The following SUGCT variants were observed in gnomAD, a reference collection of about 807,000 sequenced individuals.
SUGCT encodes the protein succinyl-CoA:glutarate-CoA transferase, also known as succinyl-CoA:glutarate CoA-transferase.
A neutral mutation model predicts 55.0 loss-of-function variants in SUGCT; 41 were observed. That is an observed-to-expected ratio of 0.74 (90% CI 0.58 to 0.97). The LOEUF (loss-of-function observed/expected upper bound fraction) is 0.97, where lower values mean the gene tolerates loss of function less well. Among genes scored for constraint, SUGCT ranks in the 50% least tolerant of loss-of-function variants. The probability of loss-of-function intolerance (pLI) is 0.00; values close to 1 mark genes in which losing one functional copy is unlikely to be tolerated. For missense variants in SUGCT, 568 were observed against 547.8 expected, an observed-to-expected ratio of 1.04 and a Z score of -0.37; for synonymous variants, 187 against 200.4, an observed-to-expected ratio of 0.93 and a Z score of 0.56.
chr7:40,575,266 C>G (rs915342414), intron 12 of SUGCT, among the ~76,000 whole-genome samples: 5 of 152,120 alleles, frequency 3.3e-5, no homozygotes, highest in African/African-American at 4.8e-5. Context: ...CCCTTCAGCT[C>G]TCTGTTATTG....
intron 13 of SUGCT, among the ~76,000 whole-genome samples, chr7:40,786,184 A>G (rs937639110): frequency 6.6e-6 from 1 of 152,204 alleles, no homozygotes; most frequent in Admixed American, 6.5e-5. Context: ...TGAAATATTG[A>G]TGAAGGCTTG....
the SUGCT span, among the ~76,000 whole-genome samples, chr7:41,007,766 TGC>T: frequency 1.3e-5 from 2 of 148,866 alleles, no homozygotes; most frequent in African/African-American, 4.9e-5. Context: ...GCATGGAATT[TGC>T]TTTAAGTAAA....
chr7:40,135,865 C>T (rs531072559), intron 1 of SUGCT, among the ~76,000 whole-genome samples: 2 of 152,322 alleles, frequency 1.3e-5, no homozygotes, highest in South Asian at 2.1e-4. Flanking sequence ...CCATATTGGC[C>T]AGGCTGGTCT....
At chr7:40,569,545 G>C (rs1216150541) in intron 12 of SUGCT, among the ~76,000 whole-genome samples, 1 of 152,126 alleles carries the variant, frequency 6.6e-6, no homozygotes, top group South Asian at 2.1e-4. Flanking sequence ...GTCAGAGCTC[G>C]ATGTTTCCCA....
intron 9 of SUGCT, among the ~76,000 whole-genome samples, chr7:40,321,084 T>C (rs1264497619): frequency 6.9e-6 from 1 of 144,972 alleles, no homozygotes; most frequent in African/African-American, 2.5e-5. Flanking sequence ...CTTTCTTTTT[T>C]TTTTTTTTTT....
intron 9 of SUGCT, among the ~76,000 whole-genome samples, chr7:40,368,256 T>C (rs757073217): frequency 4.0e-5 from 6 of 149,754 alleles, no homozygotes; most frequent in Non-Finnish European, 7.4e-5. Context: ...TGGAGTACAA[T>C]GGCTGATCTC....
At chr7:40,951,751 A>G in the SUGCT span, among the ~76,000 whole-genome samples, 1 of 152,104 alleles carries the variant, frequency 6.6e-6, no homozygotes, top group African/African-American at 2.4e-5. Context: ...GTTTCCATGT[A>G]GTTGAGTGGT....
intron 8 of SUGCT, among the ~76,000 whole-genome samples, chr7:40,279,026 G>GT (rs1412717320): frequency 6.6e-6 from 1 of 150,580 alleles, no homozygotes; most frequent in Non-Finnish European, 1.5e-5. Flanking sequence ...TAGAGATGGG[G>GT]GGGTCTGACT....
the SUGCT span, among the ~76,000 whole-genome samples, chr7:40,898,161 A>C: frequency 1.3e-5 from 2 of 148,824 alleles, no homozygotes; most frequent in Non-Finnish European, 2.9e-5. Flanking sequence ...AGTAGTGATG[A>C]ACTTAAGTCG....
chr7:40,288,806 T>G (rs1325554401), intron 8 of SUGCT, among the ~76,000 whole-genome samples: 1 of 152,204 alleles, frequency 6.6e-6, no homozygotes, highest in Non-Finnish European at 1.5e-5. Flanking sequence ...TTTTCTTATA[T>G]GATGTCCTTC....
At chr7:40,995,411 A>ATTATTATT in the SUGCT span, among the ~76,000 whole-genome samples, 2 of 44,736 alleles carry the variant, frequency 4.5e-5, no homozygotes, top group African/African-American at 2.3e-4. Flanking sequence ...TTATTATTAT[A>ATTATTATT]GTTTACTCTC....
At chr7:40,592,526 A>G (rs1311509652) in intron 12 of SUGCT, among the ~76,000 whole-genome samples, 2 of 152,208 alleles carry the variant, frequency 1.3e-5, no homozygotes, top group African/African-American at 4.8e-5. Context: ...AACTTCGTAT[A>G]CTATAAATTG....
At chr7:40,180,709 G>A (rs1302591370) in intron 1 of SUGCT, among the ~76,000 whole-genome samples, 1 of 152,020 alleles carries the variant, frequency 6.6e-6, no homozygotes, top group Non-Finnish European at 1.5e-5. Flanking sequence ...GGCTGGTCTC[G>A]AATTCCTGAT....
At position 40,623,070 on chromosome 7, in the gene SUGCT, T is replaced by C. The variant is rs1799349831; in HGVS notation, c.1090-126364T>C. Among the ~76,000 whole-genome samples the C allele has an allele frequency of 2.0e-5, 3 of 152,174 alleles. No homozygotes were observed. The South Asian group carries it at 6.2e-4, about 31-fold the overall frequency. Reference sequence around the variant, plus strand: ...ATTCATTTGATCTCTGTCCAAACTCTCTGATGCTTGATAACAGGATTTTCT... The same window carrying C: ...ATTCATTTGATCTCTGTCCAAACTCCCTGATGCTTGATAACAGGATTTTCT... On this transcript the variant is annotated intron_variant, in intron 12 of 13. Coordinates refer to ENST00000335693, the MANE Select transcript of SUGCT (RefSeq NM_001193313.2).
At chr7:40,726,617 A>G (rs1303346573) in intron 12 of SUGCT, among the ~76,000 whole-genome samples, 1 of 152,108 alleles carries the variant, frequency 6.6e-6, no homozygotes, top group Non-Finnish European at 1.5e-5. Context: ...AAAGGCCAAT[A>G]TCTTATATTT....
chr7:40,397,774 G>A (rs1305917215), intron 9 of SUGCT, among the ~76,000 whole-genome samples: 2 of 152,202 alleles, frequency 1.3e-5, no homozygotes, highest in Admixed American at 1.3e-4. Flanking sequence ...CTTGTGATCA[G>A]GAAGATGAGG....
intron 12 of SUGCT, among the ~76,000 whole-genome samples, chr7:40,740,643 T>A (rs1787411332): frequency 6.6e-6 from 1 of 151,798 alleles, no homozygotes; most frequent in Admixed American, 6.6e-5. Context: ...AAGTATGATG[T>A]TATCTTTAGA....
intron 1 of SUGCT, among the ~76,000 whole-genome samples, chr7:40,155,052 C>G (rs574200567): frequency 5.3e-5 from 8 of 152,074 alleles, no homozygotes; most frequent in Non-Finnish European, 1.2e-4. Flanking sequence ...TTTGGGAGGC[C>G]GAGGTGGGTG....
chr7:40,714,319 C>T (rs1785895590), intron 12 of SUGCT, among the ~76,000 whole-genome samples: 1 of 151,972 alleles, frequency 6.6e-6, no homozygotes, highest in South Asian at 2.1e-4. Context: ...CAGAGCCAGA[C>T]TCTCTCAAAA....
Sources: allele counts gnomAD v4.1 joint callset (sites outside exome capture counted in the v4.1 genomes callset), GRCh38; gene constraint gnomAD v4.1.1; transcripts MANE v1.5; gene names NCBI Gene and HGNC (gene_info 2026-07-23, HGNC 2026-07-21).